GRHL1: variants seen among roughly 807,000 people sequenced by gnomAD.
GRHL1 encodes the protein grainyhead-like protein 1 homolog.
GRHL1 carries 38 observed loss-of-function variants against 75.7 expected under a neutral mutation model. The observed-to-expected ratio is 0.50, with a 90% CI of 0.39 to 0.66. GRHL1 has a LOEUF of 0.66. Ranked by LOEUF, GRHL1 falls within the 30% of genes least tolerant of loss-of-function variation. The pLI, the probability that GRHL1 is intolerant of heterozygous loss-of-function variation, is 0.00. For synonymous variants in GRHL1, 266 were observed against 279.4 expected (o/e 0.95, Z 0.48); for missense variants, 589 against 767.5 (o/e 0.77, Z 2.75).
At chr2:9,982,398 C>T (rs1003095010) in intron 8 of GRHL1, among the ~76,000 whole-genome samples, 4 of 152,192 alleles carry the variant, frequency 2.6e-5, no homozygotes, top group African/African-American at 9.6e-5. Flanking sequence ...GTAGGAAGCA[C>T]CAAAAAAAAC....
At chr2:9,956,544 G>A (rs1013861472) in intron 2 of GRHL1, among the ~76,000 whole-genome samples, 2 of 151,840 alleles carry the variant, frequency 1.3e-5, no homozygotes, top group African/African-American at 4.8e-5. Flanking sequence ...AAAATGGGGT[G>A]ATTATTTCCT....
rs76044664 is a variant in GRHL1, at chr2:9,987,339, G to A, written c.1269+1057G>A. On this transcript the variant is annotated intron_variant, in intron 9 of 15. Coordinates refer to ENST00000324907, the MANE Select transcript of GRHL1 (RefSeq NM_198182.3). This position sits in a 1 kb window ranked among gnomAD's most constrained non-coding sequence, Gnocchi z 4.2. ...ATTATGTAGAGATTTTTGAAATTAC[G>A]TTTTAACTGATAGATTAGAAGGGTT... Among the ~76,000 whole-genome samples the A allele has an allele frequency of 0.022, 3,343 of 152,182 alleles. 109 individuals carry two copies. Among genetic ancestry groups the A allele is most frequent in the African/African-American group, 0.067 (2,784 of 41,506 alleles).
chr2:9,994,603 T>C (rs1301659422), intron 12 of GRHL1, among the ~76,000 whole-genome samples: 2 of 152,102 alleles, frequency 1.3e-5, no homozygotes, highest in African/African-American at 2.4e-5. Flanking sequence ...TGATTCTTAG[T>C]GTTTCAGGCT....
chr2:9,961,092 G>GA lies in GRHL1; in HGVS notation c.329dup (p.Asn110LysfsTer12). The stretch of plus-strand genomic sequence containing the variant: ...AGAGCAGCCCCTCATCTCTGCTGGA[G>GA]AAAACAGAGTGCAAGTACTGAAAAA... On this transcript the variant is annotated frameshift_variant, in exon 4 of 16. Transcript: ENST00000324907. LOFTEE classifies it high-confidence loss of function. The GA allele has an allele frequency of 6.4e-7, 1 of 1,562,856 alleles. No individual in the cohort carries two copies. The highest frequency in any genetic ancestry group is 8.7e-7 in the Non-Finnish European group (1 of 1,152,726).
intron 8 of GRHL1, among the ~76,000 whole-genome samples, chr2:9,980,658 T>C (rs1820964): frequency 0.28 from 42,781 of 152,000 alleles, 6,156 homozygotes; most frequent in Admixed American, 0.37. Flanking sequence ...ATACAAATGT[T>C]TTCTCTCAAA....
rs2125202849 is a variant in GRHL1, at chr2:9,956,284, T to C, written c.207+1183T>C. Among the ~76,000 whole-genome samples, 2 of 152,308 alleles carry C rather than the reference T, an allele frequency of 1.3e-5. 1 individual carries two copies. Among genetic ancestry groups the C allele is most frequent in the Admixed American group, 1.3e-4 (2 of 15,300 alleles). On this transcript the variant is annotated intron_variant, in intron 2 of 15. Transcript: ENST00000324907. ...ACAGAGGTGAAAGAAGCCTAGGAGA[T>C]AGTTTTATTATTAAAATTAGGGTGA... is the stretch of plus-strand genomic sequence containing the variant.
chr2:9,964,428 A>G, intron 7 of GRHL1, 82 bp downstream of exon 7: 1 of 739,590 alleles, frequency 1.4e-6, no homozygotes, highest in Non-Finnish European at 2.3e-6. Flanking sequence ...GGCAGTGATC[A>G]GCTTCCTGCC....
intron 8 of GRHL1, among the ~76,000 whole-genome samples, chr2:9,972,168 G>A (rs760730922): frequency 6.6e-6 from 1 of 151,892 alleles, no homozygotes; most frequent in Non-Finnish European, 1.5e-5. Context: ...GCCTGCATCT[G>A]GGCTGTCACT....
At position 9,998,420 on chromosome 2, in the gene GRHL1, A is replaced by ATGCG. The variant is rs1157647770; in HGVS notation, c.1678-542_1678-541insGTGC. On this transcript the variant is annotated intron_variant, in intron 14 of 15. Coordinates refer to ENST00000324907, the MANE Select transcript of GRHL1 (RefSeq NM_198182.3). ...TTGAAAAACAAAAAGTCGAGTGACT[A>ATGCG]TGCATGTGTGTGTGTGTGTGTGTGT... 2.6e-3 allele frequency among the ~76,000 whole-genome samples: 186 copies of ATGCG among 71,454 alleles called. 3 individuals are homozygous for ATGCG. The highest frequency in any genetic ancestry group is 0.017 in the African/African-American group (174 of 10,508). The allele number at this position is 71,454 out of a possible 152,430, so 46.9% of individuals were successfully genotyped here. A position where few individuals can be genotyped will look rare whatever the true frequency, so the allele number is the denominator to read the frequency against.
chr2:9,986,564 A>G (rs984255898), intron 9 of GRHL1, among the ~76,000 whole-genome samples: 1 of 146,730 alleles, frequency 6.8e-6, no homozygotes, highest in African/African-American at 2.5e-5. Flanking sequence ...TTACAGGTGC[A>G]CACCACCACG....
intron 8 of GRHL1, among the ~76,000 whole-genome samples, chr2:9,967,603 C>A (rs944221520): frequency 5.5e-5 from 8 of 144,772 alleles, no homozygotes; most frequent in African/African-American, 2.2e-4. Context: ...GGTGTTGTGC[C>A]ATTTCTTAAT....
At position 9,955,076 on chromosome 2, in the gene GRHL1, T is replaced by A; in HGVS notation, c.182T>A (p.Leu61Gln). ...GGAGATGAAGACAGCGCCGCTGCGC[T>A]GGGCCTGCTCTATGACTACTACAAG... is the stretch of plus-strand genomic sequence containing the variant. Reference protein sequence around the residue: ...INGDEDSAAALGLLYDYYKVP... With the variant: ...INGDEDSAAAQGLLYDYYKVP... Residue 61 changes from leucine to glutamine, a missense_variant, in exon 2 of 16, where the codon CTG becomes CAG. Physicochemically the swap from Leu to Gln is moderately radical, Grantham distance 113. Coordinates refer to ENST00000324907, the MANE Select transcript of GRHL1 (RefSeq NM_198182.3). The A allele has an allele frequency of 6.2e-7, 1 of 1,613,554 alleles. No homozygotes were observed. Among genetic ancestry groups the A allele is most frequent in the East Asian group, 2.2e-5 (1 of 44,886 alleles).
chr2:9,985,250 A>G (rs11687973), intron 8 of GRHL1, among the ~76,000 whole-genome samples: 1,612 of 152,296 alleles, frequency 0.011, 28 homozygotes, highest in African/African-American at 0.037. Flanking sequence ...TCTCATGGAA[A>G]TAGACCCACC....
chr2:9,981,491 C>G (rs1668195111), intron 8 of GRHL1, among the ~76,000 whole-genome samples: 1 of 152,246 alleles, frequency 6.6e-6, no homozygotes, highest in African/African-American at 2.4e-5. Context: ...CAGACGACAG[C>G]TCTGAGGCGC....
chr2:9,962,512 G>GT lies in GRHL1; in HGVS notation c.732dup (p.Asp245Ter). 6.3e-7 allele frequency: 1 copy of GT among 1,581,800 alleles called. No homozygotes were observed. Among genetic ancestry groups the GT allele is most frequent in the Non-Finnish European group, 8.7e-7 (1 of 1,150,592 alleles). On this transcript the variant is annotated frameshift_variant, in exon 5 of 16. Coordinates refer to ENST00000324907, the MANE Select transcript of GRHL1 (RefSeq NM_198182.3). LOFTEE classifies it high-confidence loss of function. ...GCCTGGCATGAATTCAGAGGACTAT[G>GT]TTTTTGACAGTGTTTCTGGGTAATA...
At chr2:9,965,423 G>C in intron 8 of GRHL1, 42 bp downstream of exon 8, 1 of 991,608 alleles carries the variant, frequency 1.0e-6, no homozygotes, top group Non-Finnish European at 1.6e-6. Flanking sequence ...AGCCATTTGA[G>C]AAATGGGAGG....
rs746051133 is a variant in GRHL1, at chr2:9,986,291, G to A, written c.1269+9G>A. On this transcript the variant is annotated intron_variant, in intron 9 of 15. Transcript: ENST00000324907. Reference sequence around the variant, plus strand: ...AGGTCTTCTGTGACAAGGTAAGATCGGCAGGGATGCTTGGAACAAGTGTTT... The same window carrying A: ...AGGTCTTCTGTGACAAGGTAAGATCAGCAGGGATGCTTGGAACAAGTGTTT... 1.1e-5 allele frequency: 18 copies of A among 1,606,926 alleles called. No homozygotes were observed. The highest frequency in any genetic ancestry group is 2.2e-5 in the South Asian group (2 of 90,210).
chr2:9,992,726 GTCTT>G lies in GRHL1; in HGVS notation c.1462-478_1462-475del, dbSNP rs1156833832. On this transcript the variant is annotated intron_variant, in intron 11 of 15. Transcript: ENST00000324907. The surrounding 1 kb of genome is among the most constrained non-coding windows in gnomAD (Gnocchi z 4.6). ...AGTGCAAATAAATATCAAAAAGACA[GTCTT>G]TCATGCACTTTGTGGACAGATTTAT... Among the ~76,000 whole-genome samples, 1 of 152,210 alleles carries G rather than the reference GTCTT, an allele frequency of 6.6e-6. No individual in the cohort carries two copies. Among genetic ancestry groups the G allele is most frequent in the Admixed American group, 6.5e-5 (1 of 15,286 alleles).
At position 9,967,442 on chromosome 2, in the gene GRHL1, C is replaced by T. The variant is rs548275143; in HGVS notation, c.1110+2061C>T. 2.6e-5 allele frequency among the ~76,000 whole-genome samples: 4 copies of T among 152,310 alleles called. No individual in the cohort carries two copies. The South Asian group carries it at 8.3e-4, about 32-fold the overall frequency. ...ATAATGGCTTGTTTTATTCTGAAGG[C>T]CTGCAGCATATTTGTATTAGAAATA... is the stretch of plus-strand genomic sequence containing the variant. On this transcript the variant is annotated intron_variant, in intron 8 of 15. Coordinates refer to ENST00000324907, the MANE Select transcript of GRHL1 (RefSeq NM_198182.3).
Sources: allele counts gnomAD v4.1 joint callset (sites outside exome capture counted in the v4.1 genomes callset), GRCh38; gene constraint gnomAD v4.1.1; non-coding constraint Gnocchi (gnomAD v3.1); transcripts MANE v1.5; gene names NCBI Gene and HGNC (gene_info 2026-07-23, HGNC 2026-07-21).